Variants in PLSCR2 observed in about 807,000 individuals in gnomAD.
PLSCR2 encodes PL scramblase 2.
PLSCR2 carries 18 observed loss-of-function variants against 25.3 expected under a neutral mutation model. The observed-to-expected ratio is 0.71, with a 90% CI of 0.49 to 1.06. PLSCR2 has a LOEUF of 1.06. PLSCR2 is among the 50% of genes least tolerant of loss of function. The pLI, the probability that PLSCR2 is intolerant of heterozygous loss-of-function variation, is 0.00. For missense variants in PLSCR2, 243 were observed against 269.5 expected, an observed-to-expected ratio of 0.90 and a Z score of 0.69; for synonymous variants, 88 against 87.3, an observed-to-expected ratio of 1.01 and a Z score of -0.04.
rs758576585 is a variant in PLSCR2 at position 146,423,282 on chromosome 3, T to TCTCTCTCTCTCTCTCTCC, written c.101-27362_101-27361insGGAGAGAGAGAGAGAGAG. On this transcript the variant is annotated intron_variant and NMD_transcript_variant, in intron 2 of 3. Coordinates refer to the PLSCR2 transcript ENST00000463633. ...CTCTCTCTCTCTCTCTCTCTCTCTC[T>TCTCTCTCTCTCTCTCTCC]CCCTGGCTAGATTCTCACAAGAAAC... Among the ~76,000 whole-genome samples, 360 of 100,984 alleles carry TCTCTCTCTCTCTCTCTCC rather than the reference T, an allele frequency of 3.6e-3. 60 individuals carry two copies. The highest frequency in any genetic ancestry group is 7.0e-3 in the Admixed American group (60 of 8,526). The allele number at this position is 100,984 out of a possible 152,430, so 66.2% of individuals were successfully genotyped here.
intron 1 of PLSCR2, among the ~76,000 whole-genome samples, chr3:146,487,575 C>T (rs1191637668): frequency 6.6e-6 from 1 of 151,984 alleles, no homozygotes; most frequent in African/African-American, 2.4e-5. Flanking sequence ...TTTACAATTG[C>T]TACAAAGAGA....
intron 6 of PLSCR2, among the ~76,000 whole-genome samples, chr3:146,448,059 G>A (rs2040668255): frequency 2.0e-5 from 3 of 152,144 alleles, no homozygotes; most frequent in Admixed American, 2.0e-4. Flanking sequence ...TGCCGGGTAT[G>A]GGGGAGGAGT....
At chr3:146,435,047 T>C (rs1227278684) in intron 8 of PLSCR2, among the ~76,000 whole-genome samples, 1 of 151,810 alleles carries the variant, frequency 6.6e-6, no homozygotes, top group Non-Finnish European at 1.5e-5. Context: ...TTGCTATAGT[T>C]TACTCAGAAT....
rs539781047 is a variant in PLSCR2, at chr3:146,393,264, G to A, written c.*146-1702C>T. Among the ~76,000 whole-genome samples, 224 of 151,454 alleles carry A rather than the reference G, an allele frequency of 1.5e-3. 1 individual carries two copies. The South Asian group carries it at 0.015, about 10-fold the overall frequency. ...AGGATGGTCTTGATCTTCTGGCCTC[G>A]TGATCTACACGCCTCGGCCTCCCAA... On this transcript the variant is annotated intron_variant and NMD_transcript_variant, in intron 3 of 3. Transcript: ENST00000463633.
rs1296969192 is a variant in PLSCR2 at position 146,393,027 on chromosome 3, CTT to C, written c.*146-1467_*146-1466del. ...AAAAATAATTGGGTTATTTACATTC[CTT>C]TTTTTTTTTTTTTTTTTGAGACAGA... On this transcript the variant is annotated intron_variant and NMD_transcript_variant, in intron 3 of 3. Coordinates refer to the PLSCR2 transcript ENST00000463633. 6.4e-3 allele frequency among the ~76,000 whole-genome samples: 663 copies of C among 104,376 alleles called. 1 individual carries two copies. The highest frequency in any genetic ancestry group is 0.024 in the Middle Eastern group (3 of 124). 68.5% of individuals were successfully genotyped at this position (104,376 alleles called of 152,430 possible). A position where few individuals can be genotyped will look rare whatever the true frequency, so the allele number is the denominator to read the frequency against.
At chr3:146,457,026 T>C (rs1315083256) in intron 3 of PLSCR2, among the ~76,000 whole-genome samples, 1 of 152,124 alleles carries the variant, frequency 6.6e-6, no homozygotes, top group Admixed American at 6.5e-5. Context: ...GAATACAAAT[T>C]ATTACAGAAC....
At chr3:146,466,967 T>C (rs572217615) in intron 1 of PLSCR2, among the ~76,000 whole-genome samples, 189 of 152,314 alleles carry the variant, frequency 1.2e-3, no homozygotes, top group African/African-American at 4.4e-3. Flanking sequence ...AATTAGTTTT[T>C]AACTAGGATA....
upstream of PLSCR2, among the ~76,000 whole-genome samples, chr3:146,463,473 A>C (rs906390342): frequency 1.3e-5 from 2 of 152,204 alleles, no homozygotes; most frequent in Admixed American, 1.3e-4. Flanking sequence ...GTATTTCTAC[A>C]GAAACATAAA....
chr3:146,395,978 C>T (rs1005992414), intron 2 of PLSCR2: 1 of 262,064 alleles, frequency 3.8e-6, no homozygotes, highest in Non-Finnish European at 7.6e-6. Flanking sequence ...AAAAGTTATT[C>T]CTGTACCAAA....
upstream of PLSCR2, among the ~76,000 whole-genome samples, chr3:146,463,118 G>GA (rs1391462660): frequency 1.3e-5 from 2 of 152,106 alleles, no homozygotes; most frequent in Non-Finnish European, 2.9e-5. Flanking sequence ...TTTTACCAGA[G>GA]AACCCACTCT....
chr3:146,462,193 C>A (rs1025657526), upstream of PLSCR2, among the ~76,000 whole-genome samples: 1 of 151,788 alleles, frequency 6.6e-6, no homozygotes, highest in Non-Finnish European at 1.5e-5. Flanking sequence ...TCTAGTAGAG[C>A]CTTATCTGGC....
chr3:146,440,596 G>GGT (rs2040181098), downstream of PLSCR2, among the ~76,000 whole-genome samples: 6 of 152,216 alleles, frequency 3.9e-5, no homozygotes, highest in South Asian at 1.0e-3. Context: ...GTAATCTCCT[G>GGT]GTGTGCCATT....
chr3:146,476,665 A>G (rs1189425908), intron 1 of PLSCR2, among the ~76,000 whole-genome samples: 1 of 152,220 alleles, frequency 6.6e-6, no homozygotes, highest in Non-Finnish European at 1.5e-5. Flanking sequence ...GCTCCAGCCC[A>G]CTGTATTTCC....
intron 1 of PLSCR2, among the ~76,000 whole-genome samples, chr3:146,477,930 G>C (rs1560048302): frequency 6.6e-6 from 1 of 152,162 alleles, no homozygotes; most frequent in African/African-American, 2.4e-5. Context: ...AATATTTACT[G>C]TTCTGCAGCC....
chr3:146,481,949 C>A (rs1025949117), intron 1 of PLSCR2, among the ~76,000 whole-genome samples: 3 of 151,930 alleles, frequency 2.0e-5, no homozygotes, highest in Non-Finnish European at 4.4e-5. Flanking sequence ...ATCTGATTGA[C>A]AAACCTGACA....
upstream of PLSCR2, among the ~76,000 whole-genome samples, chr3:146,462,509 G>A (rs1160549154): frequency 1.3e-5 from 2 of 149,592 alleles, no homozygotes; most frequent in Non-Finnish European, 3.0e-5. Context: ...CTGTCACCAA[G>A]CTGGAGTGTA....
At chr3:146,393,548 C>G (rs1484372598) in intron 3 of PLSCR2, among the ~76,000 whole-genome samples, 2 of 151,536 alleles carry the variant, frequency 1.3e-5, no homozygotes, top group Non-Finnish European at 2.9e-5. Context: ...CAGTGGCTCA[C>G]GTCTGTAATC....
chr3:146,437,437 C>T (rs1413518712), downstream of PLSCR2, among the ~76,000 whole-genome samples: 1 of 152,152 alleles, frequency 6.6e-6, no homozygotes, highest in East Asian at 1.9e-4. Flanking sequence ...TTAATTATTG[C>T]TTCAATTTCA....
chr3:146,401,141 A>G (rs1338226373), intron 2 of PLSCR2, among the ~76,000 whole-genome samples: 2 of 152,078 alleles, frequency 1.3e-5, no homozygotes, highest in Admixed American at 6.5e-5. Context: ...ATAGTTTAGA[A>G]TAGAAAACAT....
Sources: gnomAD v4.1 joint callset for allele counts (sites outside exome capture counted in the v4.1 genomes callset) on GRCh38, gnomAD v4.1.1 for gene constraint, MANE v1.5 for transcripts, NCBI Gene and HGNC (gene_info 2026-07-23, HGNC 2026-07-21) for gene names.